The following SERPINC1 variants were observed in gnomAD, a reference collection of about 807,000 sequenced individuals.
SERPINC1 encodes the protein serpin family C member 1.
In SERPINC1, 12 loss-of-function variants were observed where a neutral mutation model predicts 43.4. The ratio of observed to expected loss-of-function variants is 0.28; its 90% CI spans 0.18 to 0.45. The LOEUF (loss-of-function observed/expected upper bound fraction) is 0.45, where lower values mean the gene tolerates loss of function less well. Among genes scored for constraint, SERPINC1 ranks in the 20% least tolerant of loss-of-function variants. SERPINC1 has a pLI of 1.00. For missense variants in SERPINC1, 423 were observed against 578.8 expected, an observed-to-expected ratio of 0.73 and a Z score of 2.76; for synonymous variants, 210 against 218.9, an observed-to-expected ratio of 0.96 and a Z score of 0.36.
intron 3 of SERPINC1, among the ~76,000 whole-genome samples, chr1:173,911,110 A>G (rs1657754067): frequency 1.3e-5 from 2 of 152,258 alleles, no homozygotes; most frequent in South Asian, 4.1e-4. Flanking sequence ...AAAAAGAACA[A>G]AAAGAAATAG....
intron 6 of SERPINC1, 127 bp downstream of exon 6, chr1:173,907,323 C>A: frequency 2.6e-6 from 2 of 772,434 alleles, no homozygotes; most frequent in Non-Finnish European, 4.7e-6. Context: ...TTGGAGAGGG[C>A]TGTATTATAG....
intron 2 of SERPINC1, among the ~76,000 whole-genome samples, chr1:173,913,075 T>C (rs906489898): frequency 3.3e-5 from 5 of 152,160 alleles, no homozygotes; most frequent in African/African-American, 9.7e-5. Flanking sequence ...TCCATGGAAA[T>C]TGACCACTAG....
chr1:173,915,627 A>C (rs1657956631), intron 1 of SERPINC1, among the ~76,000 whole-genome samples: 1 of 152,210 alleles, frequency 6.6e-6, no homozygotes, highest in Non-Finnish European at 1.5e-5. Context: ...CAGTGAGCTG[A>C]GATTGTGCCA....
Position 173,910,831 on chromosome 1 carries a change from G to A in SERPINC1, c.685C>T (p.Arg229Ter), listed in dbSNP as rs1657743081. ...TCCGAGGGAATGACATCGGTGATTC[G>A]GCCTTCGGTCTTATTGGACACCCAT... ...NKWVSNKTEG[R>*]ITDVIPSEAI... Residue 229 changes from arginine (R) to a stop codon, truncating the protein, a stop_gained, in exon 4 of 7, where the codon CGA becomes TGA. Transcript: ENST00000367698. LOFTEE classifies it high-confidence loss of function. 3 of 1,613,756 alleles carry A rather than the reference G, an allele frequency of 1.9e-6. No individual in the cohort carries two copies. Among genetic ancestry groups the A allele is most frequent in the Admixed American group, 1.7e-5 (1 of 59,994 alleles).
At chr1:173,916,058 A>G (rs545304147) in intron 1 of SERPINC1, among the ~76,000 whole-genome samples, 1 of 152,270 alleles carries the variant, frequency 6.6e-6, no homozygotes, top group East Asian at 1.9e-4. Flanking sequence ...TCAGGCTCTC[A>G]TCCCTTTTTA....
At chr1:173,916,852 A>G (rs895015426) in intron 1 of SERPINC1, among the ~76,000 whole-genome samples, 10 of 152,066 alleles carry the variant, frequency 6.6e-5, no homozygotes, top group Non-Finnish European at 1.3e-4. Flanking sequence ...GCAAAAAGGG[A>G]GTGAGGAGGT....
Position 173,903,996 on chromosome 1 carries a change from T to C in SERPINC1, c.1288A>G (p.Asn430Asp). 2 of 1,614,170 alleles carry C rather than the reference T, an allele frequency of 1.2e-6. No individual in the cohort carries two copies. The highest frequency in any genetic ancestry group is 2.2e-5 in the South Asian group (2 of 91,074). The change falls in exon 7 of 7, where the codon AAC (asparagine) becomes GAC (aspartate). Residue 430 changes from asparagine (N) to aspartate (D), a missense_variant. Coordinates refer to ENST00000367698, the MANE Select transcript of SERPINC1 (RefSeq NM_000488.4). The part of the protein sequence containing the change: ...VVIAGRSLNP[N>D]RVTFKANRPF... ...CTGTTGGCCTTGAAAGTCACCCTGT[T>C]GGGGTTTAGCGAACGGCCAGCAATC... is the stretch of plus-strand genomic sequence containing the variant.
chr1:173,916,689 T>C (rs1333456261), intron 1 of SERPINC1, among the ~76,000 whole-genome samples: 7 of 152,102 alleles, frequency 4.6e-5, no homozygotes, highest in African/African-American at 1.7e-4. Context: ...GTTTCTAGCC[T>C]CCTGTGACAA....
intron 1 of SERPINC1, among the ~76,000 whole-genome samples, chr1:173,915,895 G>A (rs1657969359): frequency 6.6e-6 from 1 of 152,064 alleles, no homozygotes; most frequent in Admixed American, 6.5e-5. Context: ...CCTGTGAGTG[G>A]GCTCAGTGAA....
chr1:173,904,988 T>C (rs1379623231), intron 6 of SERPINC1, among the ~76,000 whole-genome samples: 3 of 152,174 alleles, frequency 2.0e-5, no homozygotes, highest in African/African-American at 7.2e-5. Context: ...GGCTTTGTTG[T>C]AAGAACCATG....
At chr1:173,908,842 G>C (rs1657644155) in intron 5 of SERPINC1, among the ~76,000 whole-genome samples, 1 of 152,138 alleles carries the variant, frequency 6.6e-6, no homozygotes, top group Admixed American at 6.5e-5. Context: ...TTACAGGCGT[G>C]AGCCACCCTG....
chr1:173,912,847 C>G (rs1657827007), intron 2 of SERPINC1, among the ~76,000 whole-genome samples: 1 of 152,128 alleles, frequency 6.6e-6, no homozygotes, highest in Non-Finnish European at 1.5e-5. Context: ...CTGTTCTGTT[C>G]TTCTTGTAGG....
At chr1:173,904,865 T>G (rs1243008611) in intron 6 of SERPINC1, among the ~76,000 whole-genome samples, 1 of 152,224 alleles carries the variant, frequency 6.6e-6, no homozygotes, top group Non-Finnish European at 1.5e-5. Context: ...CTAGAGTGTT[T>G]GCATGACCAG....
chr1:173,913,903 C>A (rs1572091439), intron 2 of SERPINC1, among the ~76,000 whole-genome samples: 1 of 150,454 alleles, frequency 6.6e-6, no homozygotes, highest in South Asian at 2.1e-4. Context: ...CGTGGTGAAA[C>A]CCCATCTCTA....
chr1:173,907,528 C>T lies in SERPINC1; in HGVS notation c.1154-14G>A, dbSNP rs542881762. Reference sequence around the variant, plus strand: ...CTGCAACAATACCTGGAAGGAAGACCGGAGAAGTCTTTGTGAGATGGGAGA... The same window carrying T: ...CTGCAACAATACCTGGAAGGAAGACTGGAGAAGTCTTTGTGAGATGGGAGA... On this transcript the variant is annotated splice_polypyrimidine_tract_variant and intron_variant, in intron 5 of 6. Transcript: ENST00000367698. The T allele has an allele frequency of 6.2e-7, 1 of 1,611,078 alleles. No individual in the cohort carries two copies. Among genetic ancestry groups the T allele is most frequent in the Non-Finnish European group, 8.5e-7 (1 of 1,177,300 alleles).
Position 173,914,928 on chromosome 1 carries a change from A to T in SERPINC1, c.42-9T>A. 4.3e-6 allele frequency: 7 copies of T among 1,612,040 alleles called. No individual in the cohort carries two copies. The highest frequency in any genetic ancestry group is 5.9e-6 in the Non-Finnish European group (7 of 1,179,982). On this transcript the variant is annotated splice_polypyrimidine_tract_variant and intron_variant, in intron 1 of 6. Transcript: ENST00000367698. Reference sequence around the variant, plus strand: ...ACAAAAGATAAACCTTCCTGCAAGGAGACAAAATGCCAAGTTAAGCTAGGC... The same window carrying T: ...ACAAAAGATAAACCTTCCTGCAAGGTGACAAAATGCCAAGTTAAGCTAGGC...
chr1:173,910,401 A>G lies in SERPINC1; in HGVS notation c.762+353T>C, dbSNP rs569728008. ...AGACTATCCTGGCTAACACGGTGAA[A>G]CCCCGTCTTTACTAAAAAAAAACCA... On this transcript the variant is annotated intron_variant, in intron 4 of 6. Transcript: ENST00000367698. Among the ~76,000 whole-genome samples the G allele has an allele frequency of 4.6e-5, 7 of 151,826 alleles. No homozygotes were observed. In the East Asian group the frequency reaches 1.4e-3, roughly 29 times the overall value.
In SERPINC1 at chr1:173,909,586, G is replaced by A. The variant is rs1271197978; in HGVS notation, c.1119C>T (p.Val373=). The A allele has an allele frequency of 4.3e-6, 7 of 1,613,776 alleles. No homozygotes were observed. Among genetic ancestry groups the A allele is most frequent in the Non-Finnish European group, 5.9e-6 (7 of 1,180,028 alleles). The change falls in exon 5 of 7, where the codon GTC becomes GTT. Residue 373 remains valine (V), a synonymous_variant. Coordinates refer to ENST00000367698, the MANE Select transcript of SERPINC1 (RefSeq NM_000488.4). The part of the protein sequence containing the change: ...LKEQLQDMGL[V]DLFSPEKSKL... ...TGGACTTTTCAGGGCTGAACAGATCGACAAGGCCCATGTCTTGCAGCTGCT... is the reference window on the plus strand; with the variant it reads ...TGGACTTTTCAGGGCTGAACAGATCAACAAGGCCCATGTCTTGCAGCTGCT...
At chr1:173,915,074 A>G in intron 1 of SERPINC1, 155 bp from the exon 2 acceptor site, 1 of 1,509,810 alleles carries the variant, frequency 6.6e-7, no homozygotes, top group South Asian at 1.3e-5. Flanking sequence ...GGCCCGGGAC[A>G]GGTTCAGTCC....
Sources: allele counts gnomAD v4.1 joint callset (sites outside exome capture counted in the v4.1 genomes callset), GRCh38; gene constraint gnomAD v4.1.1; transcripts MANE v1.5; gene names NCBI Gene and HGNC (gene_info 2026-07-23, HGNC 2026-07-21).